The following PCDH9 variants were observed in gnomAD, a reference collection of about 807,000 sequenced individuals.
The protein encoded by PCDH9 is protocadherin-9.
In PCDH9, 24 loss-of-function variants were observed where a neutral mutation model predicts 70.6. That is an observed-to-expected ratio of 0.34 (90% CI 0.25 to 0.48). PCDH9 has a LOEUF of 0.48. Among genes scored for constraint, PCDH9 ranks in the 20% least tolerant of loss-of-function variants. The pLI, the probability that PCDH9 is intolerant of heterozygous loss-of-function variation, is 0.99. For synonymous variants in PCDH9, 562 were observed against 558.5 expected, an observed-to-expected ratio of 1.01 and a Z score of -0.09; for missense variants, 1,281 against 1,503.6, an observed-to-expected ratio of 0.85 and a Z score of 2.45.
chr13:66,854,273 G>A lies in PCDH9; in HGVS notation c.3138+49231C>T, dbSNP rs928421194. ...TCTTTGTCTGTAAAACAGCAGTATA[G>A]TCATGGCTGCTAAATGAATATAAAG... On this transcript the variant is annotated intron_variant, in intron 3 of 4. Transcript: ENST00000377865. Among the ~76,000 whole-genome samples the A allele has an allele frequency of 2.6e-5, 4 of 152,214 alleles. No homozygotes were observed. In the East Asian group the frequency reaches 5.8e-4, roughly 22 times the overall value.
intron 3 of PCDH9, among the ~76,000 whole-genome samples, chr13:66,806,061 G>T (rs952718316): frequency 1.3e-5 from 2 of 151,988 alleles, no homozygotes; most frequent in Admixed American, 6.6e-5. Flanking sequence ...AATCCAGGGG[G>T]GAAATATCAC....
At chr13:66,694,423 AT>A (rs2078530337) in intron 3 of PCDH9, among the ~76,000 whole-genome samples, 1 of 152,184 alleles carries the variant, frequency 6.6e-6, no homozygotes, top group Non-Finnish European at 1.5e-5. Flanking sequence ...TCAAGAGAGT[AT>A]TTTGGCTTAT....
At chr13:66,447,489 T>C (rs1437327113) in intron 4 of PCDH9, among the ~76,000 whole-genome samples, 1 of 152,110 alleles carries the variant, frequency 6.6e-6, no homozygotes, top group Non-Finnish European at 1.5e-5. Context: ...GTCTCTCTTT[T>C]TAAAAATTTT....
Position 66,740,685 on chromosome 13 carries a change from A to G in PCDH9, c.3139-109274T>C, listed in dbSNP as rs963783216. Among the ~76,000 whole-genome samples the G allele has an allele frequency of 8.8e-4, 134 of 151,888 alleles. 2 individuals carry two copies. The highest frequency in any genetic ancestry group is 7.5e-3 in the Admixed American group (114 of 15,228). On this transcript the variant is annotated intron_variant, in intron 3 of 4. Coordinates refer to ENST00000377865, the MANE Select transcript of PCDH9 (RefSeq NM_203487.3). The stretch of plus-strand genomic sequence containing the variant: ...TCACCACTGATCCCACAGAAATACA[A>G]ACTACCATCAGAGAATACTACAAAC...
In PCDH9 at chr13:67,118,492, C is replaced by T. The variant is rs920574051; in HGVS notation, c.3036+106913G>A. On this transcript the variant is annotated intron_variant, in intron 2 of 4. Coordinates refer to ENST00000377865, the MANE Select transcript of PCDH9 (RefSeq NM_203487.3). ...AGTTTTATTTGGTAATAAATTCAAT[C>T]GTATGGCATAATTGCCATATGGCAT... 3.3e-5 allele frequency among the ~76,000 whole-genome samples: 5 copies of T among 152,116 alleles called. No individual in the cohort carries two copies. The South Asian group carries it at 8.3e-4, about 25-fold the overall frequency.
chr13:66,413,702 T>G (rs1413003892), intron 4 of PCDH9, among the ~76,000 whole-genome samples: 2 of 151,610 alleles, frequency 1.3e-5, no homozygotes, highest in African/African-American at 4.8e-5. Flanking sequence ...ATAAATAAAA[T>G]AAAATAAAAT....
At position 67,066,361 on chromosome 13, in the gene PCDH9, G is replaced by A. The variant is rs574082975; in HGVS notation, c.3036+159044C>T. Among the ~76,000 whole-genome samples, 3 of 152,034 alleles carry A rather than the reference G, an allele frequency of 2.0e-5. No homozygotes were observed. In the South Asian group the frequency reaches 6.2e-4, roughly 32 times the overall value. ...CAATTCTCCTGCCTCAGCCTCCCAA[G>A]TAGCTGGGATTACAGGCGCCTGCCA... On this transcript the variant is annotated intron_variant, in intron 2 of 4. Transcript: ENST00000377865.
chr13:66,765,946 T>C (rs891821299), intron 3 of PCDH9, among the ~76,000 whole-genome samples: 1 of 152,048 alleles, frequency 6.6e-6, no homozygotes, highest in Non-Finnish European at 1.5e-5. Flanking sequence ...TGTTAGCTTC[T>C]TACTTTTTTT....
chr13:66,814,306 A>T (rs1015849739), intron 3 of PCDH9, among the ~76,000 whole-genome samples: 24 of 152,282 alleles, frequency 1.6e-4, no homozygotes, highest in Non-Finnish European at 2.5e-4. Flanking sequence ...ACTGCAGCTT[A>T]ATTTTTTATT....
At chr13:66,947,927 A>G (rs1424188575) in intron 2 of PCDH9, among the ~76,000 whole-genome samples, 1 of 152,126 alleles carries the variant, frequency 6.6e-6, no homozygotes, top group East Asian at 1.9e-4. Flanking sequence ...GGATGAAGGG[A>G]GAAATATCAG....
In PCDH9 at chr13:66,441,388, T is replaced by C. The variant is rs567625622; in HGVS notation, c.3341-136360A>G. On this transcript the variant is annotated intron_variant, in intron 4 of 4. Transcript: ENST00000377865. ...TTGGTTTTAATTTGTAATTTTTCTA[T>C]GTCTTGAAGGAGGGAAGAAAAAAAT... is the stretch of plus-strand genomic sequence containing the variant. Among the ~76,000 whole-genome samples, 5 of 152,294 alleles carry C rather than the reference T, an allele frequency of 3.3e-5. No homozygotes were observed. In the East Asian group the frequency reaches 9.6e-4, roughly 29 times the overall value.
chr13:66,749,975 A>G (rs578111507), intron 3 of PCDH9, among the ~76,000 whole-genome samples: 1 of 151,924 alleles, frequency 6.6e-6, no homozygotes, highest in African/African-American at 2.4e-5. Context: ...AATATTTAAA[A>G]GAAAAAAATG....
intron 2 of PCDH9, among the ~76,000 whole-genome samples, chr13:67,007,752 C>A (rs536699597): frequency 1.3e-5 from 2 of 152,252 alleles, no homozygotes; most frequent in African/African-American, 4.8e-5. Flanking sequence ...TTTGTGTGAA[C>A]AAATCCCAGG....
At chr13:66,657,456 GC>G (rs922119960) in intron 3 of PCDH9, among the ~76,000 whole-genome samples, 4 of 152,170 alleles carry the variant, frequency 2.6e-5, no homozygotes, top group African/African-American at 9.7e-5. Context: ...AAAGAGACTG[GC>G]AGGCAAAGAG....
chr13:66,695,939 GA>G (rs2078557137), intron 3 of PCDH9, among the ~76,000 whole-genome samples: 1 of 151,972 alleles, frequency 6.6e-6, no homozygotes, highest in African/African-American at 2.4e-5. Context: ...AAAGCAATTA[GA>G]AAATAATTTA....
chr13:66,570,283 A>T (rs1469195041), intron 4 of PCDH9, among the ~76,000 whole-genome samples: 1 of 152,168 alleles, frequency 6.6e-6, no homozygotes, highest in African/African-American at 2.4e-5. Flanking sequence ...GCAGTGGGAA[A>T]CAGGTATGTG....
chr13:66,541,300 T>G (rs1960942113), intron 4 of PCDH9, among the ~76,000 whole-genome samples: 1 of 152,124 alleles, frequency 6.6e-6, no homozygotes, highest in African/African-American at 2.4e-5. Context: ...TAATGTAAGG[T>G]AGAGAAACCT....
At chr13:66,493,024 G>A (rs770866363) in intron 4 of PCDH9, among the ~76,000 whole-genome samples, 3 of 152,020 alleles carry the variant, frequency 2.0e-5, no homozygotes, top group Admixed American at 6.6e-5. Flanking sequence ...CCTAAACTGC[G>A]ATCTAGACTA....
At chr13:66,676,563 T>C (rs1358729627) in intron 3 of PCDH9, among the ~76,000 whole-genome samples, 1 of 152,162 alleles carries the variant, frequency 6.6e-6, no homozygotes, top group East Asian at 1.9e-4. Context: ...TTAATATCCA[T>C]GACAGGATAT....
Sources: allele counts gnomAD v4.1 joint callset (sites outside exome capture counted in the v4.1 genomes callset), GRCh38; gene constraint gnomAD v4.1.1; transcripts MANE v1.5; gene names NCBI Gene and HGNC (gene_info 2026-07-23, HGNC 2026-07-21).